HCN1: variants seen among roughly 807,000 people sequenced by gnomAD.
HCN1 encodes potassium/sodium hyperpolarization-activated cyclic nucleotide-gated channel 1.
HCN1 carries 13 observed loss-of-function variants against 78.9 expected under a neutral mutation model. The ratio of observed to expected loss-of-function variants is 0.16; its 90% CI spans 0.11 to 0.26. HCN1 has a LOEUF of 0.26. Among genes scored for constraint, HCN1 ranks in the 10% least tolerant of loss-of-function variants. The probability of loss-of-function intolerance (pLI) is 1.00; values close to 1 mark genes in which losing one functional copy is unlikely to be tolerated. For synonymous variants in HCN1, 552 were observed against 455.5 expected (o/e 1.21, Z -2.70); for missense variants, 810 against 1,154.3 (o/e 0.70, Z 4.32).
intron 2 of HCN1, among the ~76,000 whole-genome samples, chr5:45,469,310 T>C (rs1214051264): frequency 6.6e-6 from 1 of 151,956 alleles, no homozygotes; most frequent in Non-Finnish European, 1.5e-5. Context: ...GCTTAAGTGA[T>C]GGGAAAATCT....
chr5:45,280,583 A>G (rs1745136758), intron 6 of HCN1, among the ~76,000 whole-genome samples: 1 of 152,184 alleles, frequency 6.6e-6, no homozygotes, highest in Non-Finnish European at 1.5e-5. Context: ...CACTGAAAGT[A>G]CCACAATAAG....
chr5:45,586,235 T>A (rs1289790506), intron 2 of HCN1, among the ~76,000 whole-genome samples: 3 of 152,044 alleles, frequency 2.0e-5, no homozygotes, highest in Non-Finnish European at 4.4e-5. Flanking sequence ...CGGGCACCCA[T>A]CCCCCAACCT....
chr5:45,393,517 T>G (rs943028576), intron 4 of HCN1, among the ~76,000 whole-genome samples: 10 of 152,146 alleles, frequency 6.6e-5, no homozygotes, highest in Admixed American at 5.9e-4. Flanking sequence ...ATGGTCATCA[T>G]GGAGAATTTG....
intron 5 of HCN1, among the ~76,000 whole-genome samples, chr5:45,339,585 C>T (rs1336638645): frequency 6.6e-6 from 1 of 152,214 alleles, no homozygotes; most frequent in Non-Finnish European, 1.5e-5. Context: ...AGGTCATGAG[C>T]AGGTTCTAAG....
intron 1 of HCN1, among the ~76,000 whole-genome samples, chr5:45,688,453 C>G (rs1214626253): frequency 6.6e-6 from 1 of 152,022 alleles, no homozygotes. Flanking sequence ...CACATACTTG[C>G]AGGTGCCAGT....
intron 5 of HCN1, among the ~76,000 whole-genome samples, chr5:45,325,939 A>T (rs1746225987): frequency 1.3e-5 from 2 of 151,634 alleles, no homozygotes; most frequent in African/African-American, 4.8e-5. Flanking sequence ...GGGGTAAAAA[A>T]TACTTATTTT....
chr5:45,590,819 A>G (rs563360110), intron 2 of HCN1, among the ~76,000 whole-genome samples: 2 of 152,160 alleles, frequency 1.3e-5, no homozygotes, highest in Non-Finnish European at 2.9e-5. Flanking sequence ...ATAGCTAGTT[A>G]CATTGTATTG....
At chr5:45,435,780 C>T (rs1422183352) in intron 3 of HCN1, among the ~76,000 whole-genome samples, 7 of 151,926 alleles carry the variant, frequency 4.6e-5, no homozygotes, top group Non-Finnish European at 1.0e-4. Context: ...AATCAATTCC[C>T]GCAAATATAC....
chr5:45,347,070 G>C (rs1171068947), intron 5 of HCN1, among the ~76,000 whole-genome samples: 1 of 152,208 alleles, frequency 6.6e-6, no homozygotes, highest in Non-Finnish European at 1.5e-5. Context: ...TCCCCAAGTG[G>C]GTCCCTGACC....
chr5:45,402,813 CTCCTTCCTTCCTTCCTTCCTTCCT>C (rs71000635), intron 3 of HCN1, among the ~76,000 whole-genome samples: 32 of 98,434 alleles, frequency 3.3e-4, no homozygotes, highest in African/African-American at 1.2e-3. Context: ...CCTTTCTTTC[CTCCTTCCTTCCTTCCTTCCTTCCT>C]TCCTTCCTTC....
chr5:45,333,048 T>A (rs184949822), intron 5 of HCN1, among the ~76,000 whole-genome samples: 1 of 151,724 alleles, frequency 6.6e-6, no homozygotes, highest in Admixed American at 6.6e-5. Flanking sequence ...ATTTTTAGCT[T>A]TTTGAGGAAG....
intron 2 of HCN1, among the ~76,000 whole-genome samples, chr5:45,613,467 G>C (rs1162799963): frequency 6.6e-6 from 1 of 151,904 alleles, no homozygotes; most frequent in Non-Finnish European, 1.5e-5. Context: ...GGAAACAACA[G>C]GTGCTGGAGA....
chr5:45,376,338 T>TTA (rs201682954), intron 4 of HCN1, among the ~76,000 whole-genome samples: 3,028 of 98,580 alleles, frequency 0.031, 51 homozygotes, highest in Non-Finnish European at 0.041. Flanking sequence ...ATAACATATA[T>TTA]TATATATATA....
At chr5:45,665,547 A>G (rs570065694) in intron 1 of HCN1, among the ~76,000 whole-genome samples, 29 of 152,222 alleles carry the variant, frequency 1.9e-4, no homozygotes, top group Middle Eastern at 3.4e-3. Context: ...GCAAACAACA[A>G]AAACAGAAAA....
chr5:45,448,935 A>G (rs1203652995), intron 3 of HCN1, among the ~76,000 whole-genome samples: 1 of 152,058 alleles, frequency 6.6e-6, no homozygotes, highest in East Asian at 1.9e-4. Flanking sequence ...CCAACATGGG[A>G]AAATCCTGTT....
intron 6 of HCN1, among the ~76,000 whole-genome samples, chr5:45,269,725 C>T (rs1480659798): frequency 6.6e-6 from 1 of 152,128 alleles, no homozygotes; most frequent in African/African-American, 2.4e-5. Flanking sequence ...TCCTCAGGTA[C>T]ATGGTTGGCT....
intron 3 of HCN1, among the ~76,000 whole-genome samples, chr5:45,402,393 A>C (rs1414145851): frequency 6.6e-6 from 1 of 152,156 alleles, no homozygotes; most frequent in East Asian, 1.9e-4. Flanking sequence ...TAGTTTTCAC[A>C]ACTGGCAGAG....
intron 2 of HCN1, among the ~76,000 whole-genome samples, chr5:45,564,134 T>A (rs1317621400): frequency 1.3e-5 from 2 of 152,158 alleles, no homozygotes; most frequent in Non-Finnish European, 1.5e-5. Context: ...ACTGAGTTAA[T>A]CTCACTTCAT....
intron 2 of HCN1, among the ~76,000 whole-genome samples, chr5:45,548,844 C>A (rs1402016846): frequency 2.0e-5 from 3 of 151,928 alleles, no homozygotes; most frequent in Non-Finnish European, 4.4e-5. Flanking sequence ...CATTCTTATA[C>A]ACCAATAACA....
Sources: gnomAD v4.1 joint callset for allele counts (sites outside exome capture counted in the v4.1 genomes callset) on GRCh38, gnomAD v4.1.1 for gene constraint, MANE v1.5 for transcripts, NCBI Gene and HGNC (gene_info 2026-07-23, HGNC 2026-07-21) for gene names.